Variants in ODF2L observed in about 807,000 individuals in gnomAD.
ODF2L encodes the protein protein BCAP.
Under a neutral mutation model 86.3 loss-of-function variants are expected in ODF2L, and 76 were observed. The ratio of observed to expected loss-of-function variants is 0.88; its 90% CI spans 0.73 to 1.07. The LOEUF (loss-of-function observed/expected upper bound fraction) is 1.07, where lower values mean the gene tolerates loss of function less well. Ranked by LOEUF, ODF2L falls within the 50% of genes least tolerant of loss-of-function variation. ODF2L has a pLI of 0.00. For missense variants in ODF2L, 748 were observed against 717.4 expected, an observed-to-expected ratio of 1.04 and a Z score of -0.49; for synonymous variants, 241 against 231.3, an observed-to-expected ratio of 1.04 and a Z score of -0.38.
exon 8 of ODF2L, chr1:86,376,257 C>A: frequency 6.2e-7 from 1 of 1,609,958 alleles, no homozygotes; most frequent in South Asian, 1.1e-5. Flanking sequence ...GGGAAGTAAG[C>A]TTTTCAATAG....
chr1:86,376,789 C>G (rs2101115004), intron 7 of ODF2L, among the ~76,000 whole-genome samples: 1 of 152,268 alleles, frequency 6.6e-6, no homozygotes, highest in African/African-American at 2.4e-5. Flanking sequence ...CCCCCATGAT[C>G]CAATCACCTC....
intron 11 of ODF2L, among the ~76,000 whole-genome samples, chr1:86,364,587 G>A (rs1017789951): frequency 1.3e-5 from 2 of 152,162 alleles, no homozygotes; most frequent in Non-Finnish European, 2.9e-5. Context: ...CAGGGGTCAA[G>A]TGCCTAAGTA....
At chr1:86,356,537 C>T (rs149805854) in exon 14 of ODF2L, 16 of 1,614,052 alleles carry the variant, frequency 9.9e-6, no homozygotes, top group South Asian at 2.2e-5. Flanking sequence ...GCCTCCGTTC[C>T]GCCGCCGTCA....
At chr1:86,393,360 C>T (rs1396068504) in intron 1 of ODF2L, among the ~76,000 whole-genome samples, 2 of 144,140 alleles carry the variant, frequency 1.4e-5, no homozygotes, top group African/African-American at 5.2e-5. Context: ...ACTAGTCAAA[C>T]GTTTACTAGA....
rs761794380 is a variant in ODF2L at position 86,383,022 on chromosome 1, A to G, written c.436-20T>C. 1 of 1,393,454 alleles carries G rather than the reference A, an allele frequency of 7.2e-7. No homozygotes were observed. The allele number at this position is 1,393,454 out of a possible 1,614,324, so 86.3% of individuals were successfully genotyped here. A position where few individuals can be genotyped will look rare whatever the true frequency, so the allele number is the denominator to read the frequency against. On this transcript the variant is annotated intron_variant, in intron 5 of 17. Transcript: ENST00000317336. Reference sequence around the variant, plus strand: ...AAGATTCTTGAGCAAATATAAAATAAGAATTAGGAATTTCACAACTTGGAT... The same window carrying G: ...AAGATTCTTGAGCAAATATAAAATAGGAATTAGGAATTTCACAACTTGGAT...
chr1:86,353,044 T>C, intron 16 of ODF2L, 60 bp from the exon 16 acceptor site: 1 of 1,070,030 alleles, frequency 9.3e-7, no homozygotes, highest in East Asian at 2.5e-5. Flanking sequence ...ATTTAAAGCC[T>C]TGACAGTTAT....
At chr1:86,376,580 T>A (rs1295103470) in intron 7 of ODF2L, among the ~76,000 whole-genome samples, 162 bp from the exon 8 acceptor site, 2 of 152,218 alleles carry the variant, frequency 1.3e-5, no homozygotes, top group Admixed American at 1.3e-4. Context: ...GAAAGAAGTT[T>A]AATTGACTCA....
At chr1:86,392,917 CAG>C in intron 1 of ODF2L, among the ~76,000 whole-genome samples, 1 of 152,116 alleles carries the variant, frequency 6.6e-6, no homozygotes, top group South Asian at 2.1e-4. Context: ...ACAATTTTGC[CAG>C]TCTACTGCCA....
At chr1:86,388,966 G>A (rs555848978) in intron 1 of ODF2L, among the ~76,000 whole-genome samples, 5 of 152,074 alleles carry the variant, frequency 3.3e-5, no homozygotes, top group African/African-American at 1.2e-4. Flanking sequence ...TTTGTCTCAG[G>A]AATTTCCATG....
At chr1:86,366,279 C>T (rs1659409411) in intron 11 of ODF2L, among the ~76,000 whole-genome samples, 1 of 151,648 alleles carries the variant, frequency 6.6e-6, no homozygotes. Context: ...TTGGGTTGGG[C>T]ACAGTGGCTC....
chr1:86,379,840 T>A (rs910732364), intron 7 of ODF2L, among the ~76,000 whole-genome samples: 9 of 152,170 alleles, frequency 5.9e-5, no homozygotes, highest in African/African-American at 1.9e-4. Flanking sequence ...GAGGACATGT[T>A]TCTATCATTG....
intron 11 of ODF2L, among the ~76,000 whole-genome samples, chr1:86,367,911 C>A (rs1314389907): frequency 6.6e-6 from 1 of 152,124 alleles, no homozygotes; most frequent in Non-Finnish European, 1.5e-5. Context: ...GTCAAGTGAA[C>A]CTCATCTTAG....
intron 16 of ODF2L, among the ~76,000 whole-genome samples, chr1:86,353,738 T>G (rs1227682151): frequency 6.6e-6 from 1 of 152,044 alleles, no homozygotes; most frequent in Non-Finnish European, 1.5e-5. Flanking sequence ...CAAGCACAAT[T>G]ATGCATGAGA....
At chr1:86,375,348 T>C (rs1230847867) in intron 8 of ODF2L, among the ~76,000 whole-genome samples, 1 of 152,138 alleles carries the variant, frequency 6.6e-6, no homozygotes, top group African/African-American at 2.4e-5. Context: ...ATAGGGAGTA[T>C]TATGATGCCC....
chr1:86,363,332 G>C (rs550031147), intron 11 of ODF2L, among the ~76,000 whole-genome samples: 1 of 152,270 alleles, frequency 6.6e-6, no homozygotes, highest in Admixed American at 6.5e-5. Context: ...GGAATTCAGA[G>C]ACTAGGTCTA....
At chr1:86,385,547 T>C (rs1411478550) in exon 3 of ODF2L, 1 of 1,610,966 alleles carries the variant, frequency 6.2e-7, no homozygotes, top group Admixed American at 1.7e-5. Flanking sequence ...TCCTTAAGTG[T>C]TGCTTCCAAT....
chr1:86,393,242 C>T (rs1661452568), intron 1 of ODF2L, among the ~76,000 whole-genome samples: 1 of 152,126 alleles, frequency 6.6e-6, no homozygotes, highest in Non-Finnish European at 1.5e-5. Context: ...AACTAACTTC[C>T]ACTGGCTTCA....
At chr1:86,388,316 A>ACT (rs1661084591) in intron 1 of ODF2L, among the ~76,000 whole-genome samples, 1 of 152,146 alleles carries the variant, frequency 6.6e-6, no homozygotes, top group Non-Finnish European at 1.5e-5. Flanking sequence ...GGGATAAGTC[A>ACT]CTGCAATCAA....
At chr1:86,370,840 G>A (rs1050543293) in intron 10 of ODF2L, among the ~76,000 whole-genome samples, 178 bp downstream of exon 10, 7 of 152,190 alleles carry the variant, frequency 4.6e-5, no homozygotes, top group Non-Finnish European at 1.0e-4. Flanking sequence ...GAGGCAAAGA[G>A]ACAGTCAACT....
Sources: gnomAD v4.1 joint callset for allele counts (sites outside exome capture counted in the v4.1 genomes callset) on GRCh38, gnomAD v4.1.1 for gene constraint, MANE v1.5 for transcripts, NCBI Gene and HGNC (gene_info 2026-07-23, HGNC 2026-07-21) for gene names.